MBD5: variants seen among roughly 807,000 people sequenced by gnomAD.
MBD5 encodes the protein methyl-CpG-binding domain protein 5.
MBD5 carries 13 observed loss-of-function variants against 117.3 expected under a neutral mutation model. The observed-to-expected ratio is 0.11, with a 90% confidence interval of 0.07 to 0.18. MBD5 has a LOEUF of 0.18. Ranked by LOEUF, MBD5 falls within the 10% of genes least tolerant of loss-of-function variation. The pLI, the probability that MBD5 is intolerant of heterozygous loss-of-function variation, is 1.00. For missense variants in MBD5, 1,879 were observed against 2,093.8 expected (o/e 0.90, Z 2.00); for synonymous variants, 727 against 766.4 (o/e 0.95, Z 0.85).
chr2:148,288,664 A>C (rs945142529), intron 3 of MBD5, among the ~76,000 whole-genome samples: 1 of 152,090 alleles, frequency 6.6e-6, no homozygotes, highest in African/African-American at 2.4e-5. Context: ...GGTGAACCAT[A>C]GGCGCAATTA....
chr2:148,306,483 C>G (rs529016444), intron 3 of MBD5, among the ~76,000 whole-genome samples: 2 of 151,924 alleles, frequency 1.3e-5, no homozygotes, highest in Non-Finnish European at 2.9e-5. Flanking sequence ...AACTATATTG[C>G]CATAAAAATA....
chr2:148,055,231 T>G (rs1452322758), intron 1 of MBD5: 1 of 152,062 alleles, frequency 6.6e-6, no homozygotes, highest in East Asian at 1.9e-4. Flanking sequence ...TGTGTGCGTG[T>G]ATTGTGTTTA....
At chr2:148,284,768 C>A (rs1467830887) in intron 3 of MBD5, among the ~76,000 whole-genome samples, 1 of 151,902 alleles carries the variant, frequency 6.6e-6, no homozygotes, top group Non-Finnish European at 1.5e-5. Context: ...ATGACTTTTT[C>A]TTTCTTTTGA....
At chr2:148,270,589 A>G (rs1700962398) in intron 3 of MBD5, among the ~76,000 whole-genome samples, 1 of 151,936 alleles carries the variant, frequency 6.6e-6, no homozygotes, top group Non-Finnish European at 1.5e-5. Context: ...GGGTTTCACC[A>G]TGTTGGCCAG....
intron 4 of MBD5, among the ~76,000 whole-genome samples, chr2:148,424,320 A>G (rs925453441): frequency 6.6e-6 from 1 of 152,026 alleles, no homozygotes; most frequent in Non-Finnish European, 1.5e-5. Flanking sequence ...GATCAATGCA[A>G]CAAGAAGAGC....
intron 4 of MBD5, among the ~76,000 whole-genome samples, chr2:148,450,521 A>G (rs1028995560): frequency 2.0e-5 from 3 of 152,182 alleles, no homozygotes; most frequent in African/African-American, 7.2e-5. Context: ...TTACAAGTCT[A>G]GGGCCTCAGC....
rs886054907 is a variant in MBD5 at position 148,458,696 on chromosome 2, C to G, written c.-63C>G. The G allele has an allele frequency of 1.7e-5, 24 of 1,416,798 alleles. No individual in the cohort carries two copies. The highest frequency in any genetic ancestry group is 5.0e-6 in the Non-Finnish European group (5 of 1,001,130). 87.8% of individuals were successfully genotyped at this position (1,416,798 alleles called of 1,614,324 possible). A position where few individuals can be genotyped will look rare whatever the true frequency, so the allele number is the denominator to read the frequency against. On this transcript the variant is annotated 5_prime_UTR_variant, in exon 5 of 14. Coordinates refer to ENST00000642680, the MANE Select transcript of MBD5 (RefSeq NM_001378120.1). ...GCCCACTTTTGAAGGCCATCATGCT[C>G]TGTAATATAAGGATATCATCTTATT...
chr2:148,417,786 TG>T (rs1705468284), intron 4 of MBD5, among the ~76,000 whole-genome samples: 1 of 152,130 alleles, frequency 6.6e-6, no homozygotes, highest in Non-Finnish European at 1.5e-5. Flanking sequence ...TCAAGCCATT[TG>T]CCCACTTTTT....
At chr2:148,213,520 A>G (rs997858672) in intron 2 of MBD5, among the ~76,000 whole-genome samples, 1 of 152,202 alleles carries the variant, frequency 6.6e-6, no homozygotes, top group Non-Finnish European at 1.5e-5. Context: ...TTGAGGCCAA[A>G]CTAGTATTTA....
At chr2:148,116,849 G>C (rs1696652122) in intron 1 of MBD5, among the ~76,000 whole-genome samples, 1 of 151,788 alleles carries the variant, frequency 6.6e-6, no homozygotes, top group South Asian at 2.1e-4. Context: ...TTGCTTTCTT[G>C]CCCTTCTGCA....
At chr2:148,304,647 C>T (rs1701847524) in intron 3 of MBD5, among the ~76,000 whole-genome samples, 1 of 152,192 alleles carries the variant, frequency 6.6e-6, no homozygotes, top group Admixed American at 6.5e-5. Flanking sequence ...CCAACTCTAA[C>T]TCCAATAAGG....
chr2:148,437,904 A>G (rs372965103), intron 4 of MBD5, among the ~76,000 whole-genome samples: 154 of 152,312 alleles, frequency 1.0e-3, no homozygotes, highest in Admixed American at 1.8e-3. Flanking sequence ...TCACCACCAC[A>G]TATGCCCAAA....
chr2:148,250,851 C>T (rs1441904834), intron 3 of MBD5, among the ~76,000 whole-genome samples: 1 of 152,126 alleles, frequency 6.6e-6, no homozygotes, highest in African/African-American at 2.4e-5. Flanking sequence ...GAGCCTGATC[C>T]CAAGTTTTCT....
chr2:148,261,138 A>G (rs541964093), intron 3 of MBD5, among the ~76,000 whole-genome samples: 1 of 152,284 alleles, frequency 6.6e-6, no homozygotes, highest in East Asian at 1.9e-4. Context: ...ATTTAGCATA[A>G]TTCTTAAGGG....
rs1681243310 is a variant in MBD5 at position 148,483,750 on chromosome 2, C to T, written c.3159C>T (p.Pro1053=). The T allele has an allele frequency of 4.5e-6, 7 of 1,550,436 alleles. No individual in the cohort carries two copies. Among genetic ancestry groups the T allele is most frequent in the East Asian group, 4.9e-5 (2 of 40,934 alleles). The part of the protein sequence containing the change: ...NSRAETLLTS[P]LGNPLPSFAG... ...GAGCTGAGACCCTTTTAACCAGCCC[C>T]CTGGGGAACCCTTTACCAAGCTTTG... Residue 1053 remains proline (P), a synonymous_variant, in exon 9 of 14, where the codon CCC becomes CCT. Transcript: ENST00000642680.
At chr2:148,154,594 C>G (rs4297475) in intron 1 of MBD5, among the ~76,000 whole-genome samples, 1 of 152,166 alleles carries the variant, frequency 6.6e-6, no homozygotes, top group African/African-American at 2.4e-5. Context: ...ACTCCCTGGG[C>G]TTAGGACCCT....
intron 3 of MBD5, among the ~76,000 whole-genome samples, chr2:148,261,132 A>C: frequency 6.6e-6 from 1 of 152,214 alleles, no homozygotes; most frequent in East Asian, 1.9e-4. Context: ...GAGTAGATTT[A>C]GCATAATTCT....
chr2:148,408,917 T>C (rs1705166788), intron 4 of MBD5, among the ~76,000 whole-genome samples: 2 of 152,046 alleles, frequency 1.3e-5, no homozygotes, highest in South Asian at 4.1e-4. Flanking sequence ...ATAAATAATC[T>C]AGAGATGATT....
rs1210986622 is a variant in MBD5 at position 148,468,752 on chromosome 2, G to T, written c.809G>T (p.Arg270Met). Residue 270 changes from arginine (R) to methionine (M), a missense_variant, in exon 8 of 14, where the codon AGG (arginine) becomes ATG (methionine). Transcript: ENST00000642680. ...AATTCTAGTCCTATTCACCTGAATA[G>T]GACTCCTCTTTCTCCACCTTCAGTA... ...APNSSPIHLN[R>M]TPLSPPSVML... The T allele has an allele frequency of 6.2e-7, 1 of 1,613,906 alleles. No homozygotes were observed. The highest frequency in any genetic ancestry group is 1.1e-5 in the South Asian group (1 of 91,076).
Sources: allele counts gnomAD v4.1 joint callset (sites outside exome capture counted in the v4.1 genomes callset), GRCh38; gene constraint gnomAD v4.1.1; transcripts MANE v1.5; gene names NCBI Gene and HGNC (gene_info 2026-07-23, HGNC 2026-07-21).